NELL1: variants seen among roughly 807,000 people sequenced by gnomAD.
NELL1 encodes protein kinase C-binding protein NELL1.
A neutral mutation model predicts 107.4 loss-of-function variants in NELL1; 76 were observed. The observed-to-expected ratio is 0.71, with a 90% CI of 0.59 to 0.86. The LOEUF (loss-of-function observed/expected upper bound fraction) is 0.86, where lower values mean the gene tolerates loss of function less well. Ranked by LOEUF, NELL1 falls within the 40% of genes least tolerant of loss-of-function variation. The probability of loss-of-function intolerance (pLI) is 0.00; values close to 1 mark genes in which losing one functional copy is unlikely to be tolerated. For missense variants in NELL1, 1,024 were observed against 1,005.5 expected (o/e 1.02, Z -0.25); for synonymous variants, 353 against 341.2 (o/e 1.03, Z -0.38).
intron 12 of NELL1, among the ~76,000 whole-genome samples, chr11:20,980,634 T>A (rs1412674859): frequency 6.6e-6 from 1 of 152,222 alleles, no homozygotes; most frequent in East Asian, 1.9e-4. Context: ...GTTCTGAATT[T>A]TTTAAGATAG....
chr11:21,213,627 T>C (rs12279907), intron 13 of NELL1, among the ~76,000 whole-genome samples: 36,162 of 151,998 alleles, frequency 0.24, 4,825 homozygotes, highest in Non-Finnish European at 0.3. Context: ...CAGCGTAGTA[T>C]TGGCAGGGGA....
intron 2 of NELL1, among the ~76,000 whole-genome samples, chr11:20,750,623 C>T (rs749208080): frequency 5.9e-5 from 9 of 151,844 alleles, no homozygotes; most frequent in South Asian, 2.1e-4. Context: ...CATTCTGTCA[C>T]GTCACTCAGG....
intron 14 of NELL1, among the ~76,000 whole-genome samples, chr11:21,310,798 T>C (rs1304935360): frequency 1.3e-5 from 2 of 152,048 alleles, no homozygotes; most frequent in Non-Finnish European, 2.9e-5. Flanking sequence ...GAACTTTCCA[T>C]GTTGGAGTGG....
chr11:20,670,059 T>TA (rs148055992), intron 1 of NELL1, among the ~76,000 whole-genome samples: 1 of 152,188 alleles, frequency 6.6e-6, no homozygotes, highest in East Asian at 1.9e-4. Flanking sequence ...TTGCTGCTAG[T>TA]AACCGGCTTT....
chr11:21,429,595 A>G (rs1852917674), intron 15 of NELL1, among the ~76,000 whole-genome samples: 1 of 152,202 alleles, frequency 6.6e-6, no homozygotes, highest in South Asian at 2.1e-4. Flanking sequence ...CCAAACCCAC[A>G]CATTCTGAGC....
intron 15 of NELL1, among the ~76,000 whole-genome samples, chr11:21,479,091 G>T (rs908794490): frequency 1.3e-5 from 2 of 152,132 alleles, no homozygotes; most frequent in Non-Finnish European, 2.9e-5. Flanking sequence ...CCATTAGTGG[G>T]AATGTAAAGT....
chr11:21,109,513 A>T (rs1430847503), intron 12 of NELL1, among the ~76,000 whole-genome samples: 1 of 152,092 alleles, frequency 6.6e-6, no homozygotes, highest in African/African-American at 2.4e-5. Context: ...GAATATGACC[A>T]TTGCTCAAGA....
intron 15 of NELL1, among the ~76,000 whole-genome samples, chr11:21,516,762 G>A (rs112657824): frequency 1.7e-5 from 2 of 116,422 alleles, no homozygotes; most frequent in Non-Finnish European, 3.6e-5. Context: ...CACACACACA[G>A]ACACACACAC....
chr11:20,792,242 G>T (rs2133992152), intron 3 of NELL1, among the ~76,000 whole-genome samples: 1 of 151,942 alleles, frequency 6.6e-6, no homozygotes, highest in Non-Finnish European at 1.5e-5. Context: ...GTATATAATT[G>T]TGTAAGCTGA....
At chr11:21,532,346 C>A (rs1423867519) in intron 15 of NELL1, among the ~76,000 whole-genome samples, 1 of 152,178 alleles carries the variant, frequency 6.6e-6, no homozygotes, top group Non-Finnish European at 1.5e-5. Context: ...ATAGAAATAT[C>A]TGTGAATTGA....
At chr11:21,000,268 A>T (rs189002073) in intron 12 of NELL1, among the ~76,000 whole-genome samples, 4 of 152,076 alleles carry the variant, frequency 2.6e-5, no homozygotes, top group East Asian at 1.9e-4. Context: ...AGTATAATAA[A>T]AAAAAAAAGA....
At chr11:20,990,133 G>A (rs2134256569) in intron 12 of NELL1, among the ~76,000 whole-genome samples, 1 of 152,268 alleles carries the variant, frequency 6.6e-6, no homozygotes, top group South Asian at 2.1e-4. Flanking sequence ...AGTACAGTTT[G>A]GTTTTTCAGT....
At chr11:21,476,179 A>G (rs182216424) in intron 15 of NELL1, among the ~76,000 whole-genome samples, 57 of 152,314 alleles carry the variant, frequency 3.7e-4, no homozygotes, top group Middle Eastern at 3.4e-3. Context: ...CTGTAAAAAT[A>G]TATATACTAT....
intron 15 of NELL1, among the ~76,000 whole-genome samples, chr11:21,464,949 A>C (rs1002824738): frequency 6.6e-6 from 1 of 152,160 alleles, no homozygotes; most frequent in Non-Finnish European, 1.5e-5. Context: ...AAAAGCAGAT[A>C]ATACTTAGAA....
chr11:21,430,919 A>G (rs1382505132), intron 15 of NELL1, among the ~76,000 whole-genome samples: 5 of 152,142 alleles, frequency 3.3e-5, no homozygotes, highest in African/African-American at 4.8e-5. Flanking sequence ...TCATTTCTGT[A>G]TTCTTTATAA....
At chr11:20,752,605 C>CT (rs1230151317) in intron 2 of NELL1, among the ~76,000 whole-genome samples, 7 of 152,200 alleles carry the variant, frequency 4.6e-5, no homozygotes, top group Admixed American at 3.9e-4. Context: ...TGTCAAGTGT[C>CT]TTTTTTGCAT....
chr11:20,902,343 A>G (rs1244116451), intron 5 of NELL1, among the ~76,000 whole-genome samples: 2 of 152,148 alleles, frequency 1.3e-5, no homozygotes, highest in African/African-American at 4.8e-5. Flanking sequence ...AGTAGAAAAC[A>G]TAAATAACCA....
intron 12 of NELL1, among the ~76,000 whole-genome samples, chr11:21,067,510 A>G (rs1853905299): frequency 6.6e-6 from 1 of 152,130 alleles, no homozygotes; most frequent in South Asian, 2.1e-4. Context: ...GCTCAGAGGA[A>G]TATCTTCAGA....
At chr11:21,372,311 T>C (rs933362230) in intron 15 of NELL1, among the ~76,000 whole-genome samples, 1 of 151,906 alleles carries the variant, frequency 6.6e-6, no homozygotes, top group African/African-American at 2.4e-5. Flanking sequence ...AGATTCTTAC[T>C]GCTTCCTGTA....
Sources: gnomAD v4.1 joint callset for allele counts (sites outside exome capture counted in the v4.1 genomes callset) on GRCh38, gnomAD v4.1.1 for gene constraint, MANE v1.5 for transcripts, NCBI Gene and HGNC (gene_info 2026-07-23, HGNC 2026-07-21) for gene names.